Variants in GNAI1 observed in about 807,000 individuals in gnomAD.
GNAI1 encodes the protein G protein subunit alpha i1, also known as guanine nucleotide-binding protein G(i) subunit alpha-1.
A neutral mutation model predicts 38.9 loss-of-function variants in GNAI1; 11 were observed. The observed-to-expected ratio is 0.28, with a 90% confidence interval of 0.18 to 0.47. GNAI1 has a LOEUF of 0.47. Ranked by LOEUF, GNAI1 falls within the 20% of genes least tolerant of loss-of-function variation. GNAI1 has a pLI of 0.99. For missense variants in GNAI1, 317 were observed against 436.9 expected (o/e 0.73, Z 2.45); for synonymous variants, 166 against 145.1 (o/e 1.14, Z -1.04).
chr7:80,140,673 A>G (rs1002673409), intron 1 of GNAI1, among the ~76,000 whole-genome samples: 1 of 152,142 alleles, frequency 6.6e-6, no homozygotes, highest in Non-Finnish European at 1.5e-5. Flanking sequence ...TAGTGCTCAG[A>G]CTGGTTTCTG....
chr7:80,161,939 A>G (rs954325172), intron 1 of GNAI1, among the ~76,000 whole-genome samples: 1 of 152,164 alleles, frequency 6.6e-6, no homozygotes. Context: ...GTCCTAAAGG[A>G]TCTATAAATA....
intron 1 of GNAI1, among the ~76,000 whole-genome samples, chr7:80,184,841 C>G (rs1344944843): frequency 6.6e-6 from 1 of 152,156 alleles, no homozygotes; most frequent in Non-Finnish European, 1.5e-5. Flanking sequence ...CAACCATAAC[C>G]ATTGCACACA....
chr7:80,139,133 G>A (rs542832933), intron 1 of GNAI1, among the ~76,000 whole-genome samples: 1 of 146,604 alleles, frequency 6.8e-6, no homozygotes, highest in Non-Finnish European at 1.5e-5. Flanking sequence ...CTTTCTCATG[G>A]CATACCTTGT....
intron 7 of GNAI1, among the ~76,000 whole-genome samples, chr7:80,217,045 CATG>C (rs1002675774): frequency 1.7e-4 from 26 of 151,942 alleles, no homozygotes; most frequent in African/African-American, 6.0e-4. Context: ...GAACAAAGAT[CATG>C]ATGAACACGG....
Position 80,212,841 on chromosome 7 carries a change from T to C in GNAI1, c.846T>C (p.Pro282=), listed in dbSNP as rs10241877. The C allele has an allele frequency of 0.11, 168,245 of 1,579,914 alleles. 9,909 individuals carry two copies. The highest frequency in any genetic ancestry group is 0.18 in the South Asian group (15,335 of 83,694). Reference sequence around the variant, plus strand: ...TTGAAGAAAAAATCAAAAAGAGCCCTCTCACTATATGCTATCCAGAATATG... The same window carrying C: ...TTGAAGAAAAAATCAAAAAGAGCCCCCTCACTATATGCTATCCAGAATATG... ...DLFEEKIKKS[P]LTICYPEYAG... Residue 282 remains proline (P), a synonymous_variant, in exon 7 of 8, where the codon CCT becomes CCC. Coordinates refer to ENST00000649796, the MANE Select transcript of GNAI1 (RefSeq NM_002069.6).
Position 80,220,947 on chromosome 7 carries a change from C to G in GNAI1, c.*3454C>G, listed in dbSNP as rs1789062866. 6.6e-6 allele frequency among the ~76,000 whole-genome samples: 1 copy of G among 152,180 alleles called. No individual in the cohort carries two copies. The highest frequency in any genetic ancestry group is 1.5e-5 in the Non-Finnish European group (1 of 68,034). ...AAAGGAGATACTTATTAATGTCTTT[C>G]ATCAGAGCTATTTTTTACTCCTTAG... On this transcript the variant is annotated 3_prime_UTR_variant, in exon 8 of 8. Transcript: ENST00000649796.
chr7:80,217,198 C>CTGTATGAAACTGACTTCAGTTCCATA, intron 7 of GNAI1, 105 bp from the exon 8 acceptor site: 1 of 478,780 alleles, frequency 2.1e-6, no homozygotes, highest in Non-Finnish European at 3.6e-6. Context: ...ATGAATGAAA[C>CTGTATGAAACTGACTTCAGTTCCATA]TGTATGAAAC....
At chr7:80,153,763 G>A (rs1177407790) in intron 1 of GNAI1, among the ~76,000 whole-genome samples, 1 of 152,140 alleles carries the variant, frequency 6.6e-6, no homozygotes, top group East Asian at 1.9e-4. Context: ...TATTTTTCTT[G>A]CACTTTGGTG....
At position 80,220,851 on chromosome 7, in the gene GNAI1, T is replaced by A. The variant is rs1789060227; in HGVS notation, c.*3358T>A. The stretch of plus-strand genomic sequence containing the variant: ...TGCTACCTTATTTCCAGAAAATGTG[T>A]AAGTAGTGTTTCGCCTATCCCCACT... On this transcript the variant is annotated 3_prime_UTR_variant, in exon 8 of 8. Coordinates refer to ENST00000649796, the MANE Select transcript of GNAI1 (RefSeq NM_002069.6). Among the ~76,000 whole-genome samples, 1 of 152,182 alleles carries A rather than the reference T, an allele frequency of 6.6e-6. No individual in the cohort carries two copies. Among genetic ancestry groups the A allele is most frequent in the African/African-American group, 2.4e-5 (1 of 41,444 alleles).
At chr7:80,151,835 G>A (rs1787732551) in intron 1 of GNAI1, among the ~76,000 whole-genome samples, 1 of 152,106 alleles carries the variant, frequency 6.6e-6, no homozygotes, top group East Asian at 1.9e-4. Context: ...GAGTTTCGTG[G>A]CAAAAGAAAC....
At position 80,225,401 on chromosome 7, in the gene GNAI1, CTT is replaced by C. The variant is rs1789142269; in HGVS notation, c.*7910_*7911del. Among the ~76,000 whole-genome samples the C allele has an allele frequency of 6.6e-6, 1 of 152,028 alleles. No individual in the cohort carries two copies. ...TTAAATCCAGTTTACAGACTCATCT[CTT>C]TAGTCTGCAGCCAAATCAAAAGATT... is the stretch of plus-strand genomic sequence containing the variant. On this transcript the variant is annotated 3_prime_UTR_variant, in exon 8 of 8. Transcript: ENST00000649796.
At chr7:80,192,254 T>A (rs914430081) in intron 3 of GNAI1, among the ~76,000 whole-genome samples, 5 of 152,200 alleles carry the variant, frequency 3.3e-5, no homozygotes, top group Admixed American at 2.0e-4. Context: ...ATTCTCTTAT[T>A]TTTTTAGAAT....
chr7:80,175,289 A>C (rs2115578341), intron 1 of GNAI1, among the ~76,000 whole-genome samples: 1 of 152,316 alleles, frequency 6.6e-6, no homozygotes, highest in East Asian at 1.9e-4. Flanking sequence ...GCGTCTTCAC[A>C]AGACTGAAAT....
In GNAI1 at chr7:80,219,136, A is replaced by G. The variant is rs1032628512; in HGVS notation, c.*1643A>G. The G allele has an allele frequency of 5.2e-5, 8 of 152,434 alleles. No homozygotes were observed. The highest frequency in any genetic ancestry group is 1.9e-4 in the African/African-American group (8 of 41,396). 9.4% of individuals were successfully genotyped at this position (152,434 alleles called of 1,614,324 possible). ...TAATGTAAAGAAATTCAAAGTTATC[A>G]AAGTTCCTTAAATGTGTTAGTTTAG... On this transcript the variant is annotated 3_prime_UTR_variant, in exon 8 of 8. Transcript: ENST00000649796.
At chr7:80,195,118 AATACCAG>A (rs1788545350) in intron 3 of GNAI1, among the ~76,000 whole-genome samples, 1 of 151,922 alleles carries the variant, frequency 6.6e-6, no homozygotes, top group Non-Finnish European at 1.5e-5. Flanking sequence ...TTCTCTTGTC[AATACCAG>A]GAACACTTAA....
At chr7:80,213,706 G>A (rs925295464) in intron 7 of GNAI1, among the ~76,000 whole-genome samples, 18 of 151,936 alleles carry the variant, frequency 1.2e-4, no homozygotes, top group African/African-American at 4.4e-4. Flanking sequence ...TTTATGTATT[G>A]AGTAAAGTTT....
At chr7:80,174,135 A>C (rs1027620695) in intron 1 of GNAI1, among the ~76,000 whole-genome samples, 8 of 152,168 alleles carry the variant, frequency 5.3e-5, no homozygotes, top group Admixed American at 2.6e-4. Flanking sequence ...AAGGAAATTA[A>C]AGATGATTTT....
At chr7:80,198,880 T>C (rs1011532086) in intron 3 of GNAI1, among the ~76,000 whole-genome samples, 2 of 152,308 alleles carry the variant, frequency 1.3e-5, no homozygotes, top group Admixed American at 1.3e-4. Flanking sequence ...TAGGTTCTTC[T>C]TCTGTTTTCT....
chr7:80,186,398 T>C (rs1054400995), intron 1 of GNAI1, among the ~76,000 whole-genome samples: 2 of 152,128 alleles, frequency 1.3e-5, no homozygotes, highest in Non-Finnish European at 2.9e-5. Flanking sequence ...GGATGTGCAA[T>C]GCAAAGTAAG....
Sources: gnomAD v4.1 joint callset for allele counts (sites outside exome capture counted in the v4.1 genomes callset) on GRCh38, gnomAD v4.1.1 for gene constraint, MANE v1.5 for transcripts, NCBI Gene and HGNC (gene_info 2026-07-23, HGNC 2026-07-21) for gene names.